Variants in FILIP1L observed in about 807,000 individuals in gnomAD.
FILIP1L encodes the protein filamin A-interacting protein 1-like.
A neutral mutation model predicts 96.6 loss-of-function variants in FILIP1L; 55 were observed. That is an observed-to-expected ratio of 0.57 (90% confidence interval 0.46 to 0.71). The LOEUF (loss-of-function observed/expected upper bound fraction) is 0.71, where lower values mean the gene tolerates loss of function less well. FILIP1L is among the 30% of genes least tolerant of loss of function. The pLI is 0.00. For missense variants in FILIP1L, 1,304 were observed against 1,321.2 expected (o/e 0.99, Z 0.20); for synonymous variants, 467 against 473.9 (o/e 0.99, Z 0.19).
At chr3:99,887,999 C>G (rs561454812) in intron 4 of FILIP1L, among the ~76,000 whole-genome samples, 9 of 152,274 alleles carry the variant, frequency 5.9e-5, no homozygotes, top group Admixed American at 4.6e-4. Flanking sequence ...CCACCTTGGC[C>G]TCCCAAAGTA....
Position 100,107,395 on chromosome 3 carries a change from G to A in FILIP1L, c.-11+6658C>T, listed in dbSNP as rs552436062. Reference sequence around the variant, plus strand: ...TTCAGTAAGCATTATAGCCTCTTCTGACACTTTGTTGGTAGAATTTCTGAA... The same window carrying A: ...TTCAGTAAGCATTATAGCCTCTTCTAACACTTTGTTGGTAGAATTTCTGAA... On this transcript the variant is annotated intron_variant, in intron 1 of 5. Transcript: ENST00000477258. Among the ~76,000 whole-genome samples the A allele has an allele frequency of 6.6e-5, 10 of 152,218 alleles. No individual in the cohort carries two copies. In the East Asian group the frequency reaches 1.9e-3, roughly 29 times the overall value.
intron 1 of FILIP1L, among the ~76,000 whole-genome samples, chr3:100,067,514 A>G (rs898258582): frequency 6.6e-6 from 1 of 152,208 alleles, no homozygotes; most frequent in African/African-American, 2.4e-5. Context: ...AAATCTGACA[A>G]AATTCACTTC....
chr3:100,075,092 T>C (rs1274478047), intron 1 of FILIP1L, among the ~76,000 whole-genome samples: 3 of 152,196 alleles, frequency 2.0e-5, no homozygotes, highest in Non-Finnish European at 4.4e-5. Flanking sequence ...TTGGTCTATG[T>C]TAGTTCCCTT....
intron 1 of FILIP1L, among the ~76,000 whole-genome samples, chr3:99,952,215 T>A (rs1490706793): frequency 6.6e-6 from 1 of 152,128 alleles, no homozygotes; most frequent in African/African-American, 2.4e-5. Flanking sequence ...CAATTTCTAT[T>A]TGAGATCTGA....
intron 1 of FILIP1L, among the ~76,000 whole-genome samples, chr3:99,955,930 T>C (rs1314377701): frequency 6.6e-6 from 1 of 152,182 alleles, no homozygotes; most frequent in Non-Finnish European, 1.5e-5. Flanking sequence ...ACTTCTTACA[T>C]AGCGCTTACC....
chr3:99,892,949 C>T (rs989008694), intron 4 of FILIP1L, among the ~76,000 whole-genome samples: 4 of 152,084 alleles, frequency 2.6e-5, no homozygotes, highest in African/African-American at 4.8e-5. Flanking sequence ...GAAGATGAGG[C>T]CCCTGTTGGT....
At chr3:99,938,225 C>G (rs1276948786) in intron 1 of FILIP1L, among the ~76,000 whole-genome samples, 1 of 152,176 alleles carries the variant, frequency 6.6e-6, no homozygotes, top group Non-Finnish European at 1.5e-5. Flanking sequence ...CACCCCCAGC[C>G]CTCTCACAGA....
At chr3:99,973,006 G>T (rs761211468) in intron 1 of FILIP1L, among the ~76,000 whole-genome samples, 1 of 152,066 alleles carries the variant, frequency 6.6e-6, no homozygotes, top group East Asian at 1.9e-4. Flanking sequence ...AGAGAATTTG[G>T]GACAGAAACC....
intron 1 of FILIP1L, among the ~76,000 whole-genome samples, chr3:100,020,559 A>G (rs907865728): frequency 6.6e-6 from 1 of 152,158 alleles, no homozygotes; most frequent in Non-Finnish European, 1.5e-5. Flanking sequence ...GAGGACTGCA[A>G]TTGGGTTATA....
In FILIP1L at chr3:99,891,506, G is replaced by T. The variant is rs571299588; in HGVS notation, c.605+32724C>A. ...TCCTAATATTACTTGCCATCTTATA[G>T]ATGTATTTTTTGAAATATTGTATAT... On this transcript the variant is annotated intron_variant, in intron 4 of 5. Coordinates refer to ENST00000477258, the MANE Select transcript of FILIP1L (RefSeq NM_001387850.1). Among the ~76,000 whole-genome samples the T allele has an allele frequency of 8.5e-5, 13 of 152,118 alleles. No homozygotes were observed. The East Asian group carries it at 2.3e-3, about 27-fold the overall frequency.
Position 99,924,180 on chromosome 3 carries a change from C to G in FILIP1L, c.605+50G>C, listed in dbSNP as rs371207088. ...GTATCCCTGAGACCTGGTACAGTGG[C>G]CAGCTCATAGATTGCAGAATGGGAC... On this transcript the variant is annotated intron_variant, in intron 4 of 5. Coordinates refer to ENST00000477258, the MANE Select transcript of FILIP1L (RefSeq NM_001387850.1). 1.5e-5 allele frequency: 23 copies of G among 1,499,326 alleles called. 1 individual carries two copies. The South Asian group carries it at 2.8e-4, about 18-fold the overall frequency. The allele number at this position is 1,499,326 out of a possible 1,614,324, so 92.9% of individuals were successfully genotyped here.
chr3:99,888,683 G>T (rs1010144512), intron 4 of FILIP1L, among the ~76,000 whole-genome samples: 1 of 152,116 alleles, frequency 6.6e-6, no homozygotes, highest in African/African-American at 2.4e-5. Flanking sequence ...GTAGAGAAAA[G>T]AATCTTCTTA....
At chr3:100,005,158 C>A (rs1252686393) in intron 1 of FILIP1L, among the ~76,000 whole-genome samples, 1 of 152,192 alleles carries the variant, frequency 6.6e-6, no homozygotes, top group Admixed American at 6.5e-5. Context: ...AGTGGAGTTA[C>A]AACCAGGAAA....
intron 1 of FILIP1L, among the ~76,000 whole-genome samples, chr3:100,020,646 A>G (rs1354169002): frequency 2.6e-5 from 4 of 152,186 alleles, no homozygotes; most frequent in Non-Finnish European, 5.9e-5. Context: ...AAATAGTCTT[A>G]AAGTTCTTAA....
intron 4 of FILIP1L, among the ~76,000 whole-genome samples, chr3:99,904,608 T>C (rs1410264562): frequency 1.3e-5 from 2 of 152,202 alleles, no homozygotes; most frequent in African/African-American, 4.8e-5. Context: ...TCTCTTTTTT[T>C]TGTTTTTTTG....
chr3:100,025,114 G>A (rs964269887), intron 1 of FILIP1L, among the ~76,000 whole-genome samples: 6 of 151,994 alleles, frequency 3.9e-5, no homozygotes, highest in Non-Finnish European at 7.4e-5. Flanking sequence ...GGAGTTAATC[G>A]AGGCCGTAAG....
At chr3:99,963,863 G>T (rs1175509842) in intron 1 of FILIP1L, among the ~76,000 whole-genome samples, 1 of 152,042 alleles carries the variant, frequency 6.6e-6, no homozygotes, top group African/African-American at 2.4e-5. Flanking sequence ...TGATCTGCCT[G>T]CCTCAGCCTC....
chr3:99,838,021 A>G (rs1025798877), intron 5 of FILIP1L, among the ~76,000 whole-genome samples: 1 of 152,118 alleles, frequency 6.6e-6, no homozygotes, highest in Non-Finnish European at 1.5e-5. Flanking sequence ...ATGCTTTTCT[A>G]TCCCATCATC....
chr3:99,899,597 TCAG>T (rs953880766), intron 4 of FILIP1L, among the ~76,000 whole-genome samples: 49 of 152,336 alleles, frequency 3.2e-4, no homozygotes, highest in African/African-American at 1.2e-3. Context: ...ATTGCATTCT[TCAG>T]CAAACTATTT....
Sources: allele counts gnomAD v4.1 joint callset (sites outside exome capture counted in the v4.1 genomes callset), GRCh38; gene constraint gnomAD v4.1.1; transcripts MANE v1.5; gene names NCBI Gene and HGNC (gene_info 2026-07-23, HGNC 2026-07-21).